Variants in SIPA1L1 observed in about 807,000 individuals in gnomAD.
SIPA1L1 encodes signal-induced proliferation-associated 1-like protein 1.
In SIPA1L1, 26 loss-of-function variants were observed where a neutral mutation model predicts 162.7. The ratio of observed to expected loss-of-function variants is 0.16; its 90% CI spans 0.12 to 0.22. The LOEUF (loss-of-function observed/expected upper bound fraction) is 0.22. Ranked by LOEUF, SIPA1L1 falls within the 10% of genes least tolerant of loss-of-function variation. The probability of loss-of-function intolerance (pLI) is 1.00; values close to 1 mark genes in which losing one functional copy is unlikely to be tolerated. For synonymous variants in SIPA1L1, 829 were observed against 837.4 expected (o/e 0.99, Z 0.17); for missense variants, 1,874 against 2,241.0 (o/e 0.84, Z 3.31).
chr14:71,633,397 C>A (rs2040801976), intron 7 of SIPA1L1, among the ~76,000 whole-genome samples: 1 of 152,154 alleles, frequency 6.6e-6, no homozygotes, highest in Non-Finnish European at 1.5e-5. Context: ...TGGTCTCGAT[C>A]TCTTGACCTC....
intron 2 of SIPA1L1, among the ~76,000 whole-genome samples, chr14:71,414,507 T>C (rs999373561): frequency 3.9e-5 from 6 of 152,272 alleles, no homozygotes; most frequent in African/African-American, 1.4e-4. Context: ...AAGGAAAATA[T>C]GGGAAATGCT....
chr14:71,636,363 G>C (rs2041149074), intron 7 of SIPA1L1, among the ~76,000 whole-genome samples: 1 of 152,094 alleles, frequency 6.6e-6, no homozygotes, highest in South Asian at 2.1e-4. Context: ...AATCAAACTG[G>C]AATCAAACTA....
rs781646573 is a variant in SIPA1L1, at chr14:71,661,415, G to A, written c.2203G>A (p.Val735Ile). The change falls in exon 10 of 24, where the codon GTT (valine) becomes ATT (isoleucine). Residue 735 changes from valine (V) to isoleucine (I), a missense_variant. By Grantham distance (29) the Val-to-Ile change is conservative. Transcript: ENST00000381232. ...PKNIRSHFQHVFVIVRVHNPC... is the reference protein window; with the variant it reads ...PKNIRSHFQHIFVIVRVHNPC... ...AAACATCCGATCCCACTTCCAGCACGTTTTCGTCATCGTCAGGGTGCACAA... is the reference window on the plus strand; with the variant it reads ...AAACATCCGATCCCACTTCCAGCACATTTTCGTCATCGTCAGGGTGCACAA... The A allele has an allele frequency of 9.3e-6, 15 of 1,613,852 alleles. No homozygotes were observed. Among genetic ancestry groups the A allele is most frequent in the Non-Finnish European group, 1.1e-5 (13 of 1,179,936 alleles).
chr14:71,408,011 A>G (rs1566983739), intron 2 of SIPA1L1, among the ~76,000 whole-genome samples: 1 of 152,196 alleles, frequency 6.6e-6, no homozygotes. Flanking sequence ...AAGGTTACAA[A>G]ATCATCAGTG....
chr14:71,545,113 G>C (rs1321397689), intron 4 of SIPA1L1, among the ~76,000 whole-genome samples: 1 of 151,982 alleles, frequency 6.6e-6, no homozygotes, highest in African/African-American at 2.4e-5. Context: ...TCCTGCCTTG[G>C]CTCCCCAAAA....
intron 4 of SIPA1L1, among the ~76,000 whole-genome samples, chr14:71,579,494 T>C (rs1020814725): frequency 6.6e-6 from 1 of 152,138 alleles, no homozygotes; most frequent in Non-Finnish European, 1.5e-5. Flanking sequence ...GGAAACGAAA[T>C]GGGTGACAGA....
rs571495105 is a variant in SIPA1L1 at position 71,650,265 on chromosome 14, C to T, written c.1819-70C>T. 5,635 of 1,518,852 alleles carry T rather than the reference C, an allele frequency of 3.7e-3. 23 individuals carry two copies. The highest frequency in any genetic ancestry group is 4.1e-3 in the Non-Finnish European group (4,504 of 1,094,026). The allele number at this position is 1,518,852 out of a possible 1,614,324, so 94.1% of individuals were successfully genotyped here. A position where few individuals can be genotyped will look rare whatever the true frequency, so the allele number is the denominator to read the frequency against. ...TTTCTGGGCATGTGCCCTATAGGAC[C>T]TTTTAGCATTTGACTGGGACAAAGT... On this transcript the variant is annotated intron_variant, in intron 7 of 23. Coordinates refer to ENST00000381232, the MANE Select transcript of SIPA1L1 (RefSeq NM_001386936.1).
intron 10 of SIPA1L1, among the ~76,000 whole-genome samples, chr14:71,667,599 A>G (rs2044140458): frequency 6.6e-6 from 1 of 152,206 alleles, no homozygotes; most frequent in South Asian, 2.1e-4. Flanking sequence ...CTGGCCAGTA[A>G]TCTGATTCAG....
chr14:71,485,925 C>G (rs1348302062), intron 2 of SIPA1L1, among the ~76,000 whole-genome samples: 2 of 152,278 alleles, frequency 1.3e-5, no homozygotes, highest in East Asian at 1.9e-4. Context: ...CATTTCCCCC[C>G]CTACATTGCC....
intron 16 of SIPA1L1, among the ~76,000 whole-genome samples, chr14:71,706,786 C>T (rs1194766112): frequency 1.3e-5 from 2 of 152,236 alleles, no homozygotes; most frequent in East Asian, 3.9e-4. Flanking sequence ...GTAATCCTAG[C>T]ACTTTGGAAT....
chr14:71,398,927 T>A (rs549359729), intron 2 of SIPA1L1, among the ~76,000 whole-genome samples: 2 of 152,354 alleles, frequency 1.3e-5, no homozygotes, highest in African/African-American at 4.8e-5. Context: ...ACCCAATAGA[T>A]GTTTCATAAG....
In SIPA1L1 at chr14:71,431,047, C is replaced by A. The variant is rs144095688; in HGVS notation, c.-464-81696C>A. Among the ~76,000 whole-genome samples the A allele has an allele frequency of 2.4e-4, 37 of 152,146 alleles. No homozygotes were observed. The East Asian group carries it at 4.8e-3, about 20-fold the overall frequency. On this transcript the variant is annotated intron_variant, in intron 2 of 23. Coordinates refer to ENST00000381232, the MANE Select transcript of SIPA1L1 (RefSeq NM_001386936.1). Reference sequence around the variant, plus strand: ...TTCTTGAGAACAAATTTGTTAGCAGCGCAGTGTTATTTGTGTATTTTGAAA... The same window carrying A: ...TTCTTGAGAACAAATTTGTTAGCAGAGCAGTGTTATTTGTGTATTTTGAAA...
At chr14:71,605,342 C>A (rs985673605) in intron 5 of SIPA1L1, among the ~76,000 whole-genome samples, 9 of 152,070 alleles carry the variant, frequency 5.9e-5, no homozygotes, top group Non-Finnish European at 1.3e-4. Flanking sequence ...CATTAATCAA[C>A]ATTTTGAATT....
At chr14:71,386,506 A>T (rs2040335306) in intron 2 of SIPA1L1, among the ~76,000 whole-genome samples, 4 of 152,216 alleles carry the variant, frequency 2.6e-5, no homozygotes. Flanking sequence ...CCTTCAATCC[A>T]ATCAAGTTGA....
intron 4 of SIPA1L1, among the ~76,000 whole-genome samples, chr14:71,554,360 C>T (rs2056157909): frequency 6.6e-6 from 1 of 151,772 alleles, no homozygotes; most frequent in African/African-American, 2.4e-5. Context: ...AATCGTGCAA[C>T]TTAAACACCA....
At chr14:71,661,687 C>G (rs750419566) in intron 10 of SIPA1L1, among the ~76,000 whole-genome samples, 2 of 152,184 alleles carry the variant, frequency 1.3e-5, no homozygotes, top group Non-Finnish European at 2.9e-5. Flanking sequence ...TTTCCATTTG[C>G]ACCTCCTTCT....
chr14:71,738,161 T>TAAAAAAAAAAAAAAAAAA (rs34549978), intron 22 of SIPA1L1, 80 bp from the exon 23 acceptor site: 2 of 368,978 alleles, frequency 5.4e-6, no homozygotes, highest in Non-Finnish European at 9.2e-6. Flanking sequence ...CTCCTCAGAG[T>TAAAAAAAAAAAAAAAAAA]AAAAAAAAAA....
intron 4 of SIPA1L1, among the ~76,000 whole-genome samples, chr14:71,580,783 A>G (rs903571013): frequency 6.6e-5 from 10 of 152,162 alleles, no homozygotes; most frequent in African/African-American, 2.4e-4. Flanking sequence ...GCATTCCCAG[A>G]TCATATTTTA....
intron 23 of SIPA1L1, 85 bp downstream of exon 23, chr14:71,738,410 A>C: frequency 1.1e-6 from 1 of 892,570 alleles, no homozygotes; most frequent in Non-Finnish European, 1.8e-6. Context: ...AGCATGGTAA[A>C]ATAAGACGTG....
Sources: allele counts gnomAD v4.1 joint callset (sites outside exome capture counted in the v4.1 genomes callset), GRCh38; gene constraint gnomAD v4.1.1; transcripts MANE v1.5; gene names NCBI Gene and HGNC (gene_info 2026-07-23, HGNC 2026-07-21).